The following TRAPPC9 variants were observed in gnomAD, a reference collection of about 807,000 sequenced individuals.
TRAPPC9 encodes trafficking protein particle complex subunit 9.
TRAPPC9 carries 83 observed loss-of-function variants against 124.0 expected under a neutral mutation model. The ratio of observed to expected loss-of-function variants is 0.67; its 90% CI spans 0.56 to 0.80. TRAPPC9 has a LOEUF of 0.80. Ranked by LOEUF, TRAPPC9 falls within the 30% of genes least tolerant of loss-of-function variation. The probability of loss-of-function intolerance (pLI) is 0.00; values close to 1 mark genes in which losing one functional copy is unlikely to be tolerated. For synonymous variants in TRAPPC9, 638 were observed against 617.5 expected (o/e 1.03, Z -0.49); for missense variants, 1,302 against 1,508.3 (o/e 0.86, Z 2.27).
intron 17 of TRAPPC9, among the ~76,000 whole-genome samples, chr8:140,073,855 C>A (rs568437834): frequency 1.3e-5 from 2 of 152,138 alleles, no homozygotes; most frequent in African/African-American, 4.8e-5. Context: ...ACTTTCTATA[C>A]GTTTAAAATT....
At chr8:139,993,232 T>C (rs1272688267) in intron 18 of TRAPPC9, among the ~76,000 whole-genome samples, 2 of 151,990 alleles carry the variant, frequency 1.3e-5, no homozygotes, top group Non-Finnish European at 2.9e-5. Flanking sequence ...AAGAAAAAAA[T>C]GACCCAATAG....
In TRAPPC9 at chr8:139,947,668, T is replaced by C. The variant is rs552496651; in HGVS notation, c.2811-37368A>G. Among the ~76,000 whole-genome samples, 5 of 151,656 alleles carry C rather than the reference T, an allele frequency of 3.3e-5. No individual in the cohort carries two copies. The South Asian group carries it at 1.0e-3, about 32-fold the overall frequency. Reference sequence around the variant, plus strand: ...TGAAGTCAGGAGTTTGTGATCAGCCTGGCCAACATGGGGAAACCCTGTCTC... The same window carrying C: ...TGAAGTCAGGAGTTTGTGATCAGCCCGGCCAACATGGGGAAACCCTGTCTC... On this transcript the variant is annotated intron_variant, in intron 19 of 22. Coordinates refer to ENST00000438773, the MANE Select transcript of TRAPPC9 (RefSeq NM_001160372.4).
intron 21 of TRAPPC9, among the ~76,000 whole-genome samples, chr8:139,755,486 G>T (rs1311501312): frequency 6.9e-6 from 1 of 144,000 alleles, no homozygotes; most frequent in Non-Finnish European, 1.5e-5. Flanking sequence ...GTCCCAGGAG[G>T]AGCCAGGGTT....
At position 140,275,726 on chromosome 8, in the gene TRAPPC9, T is replaced by G; in HGVS notation, c.2210A>C (p.Lys737Thr). 1 of 1,614,132 alleles carries G rather than the reference T, an allele frequency of 6.2e-7. No individual in the cohort carries two copies. Among genetic ancestry groups the G allele is most frequent in the Non-Finnish European group, 8.5e-7 (1 of 1,179,954 alleles). Residue 737 changes from lysine (K) to threonine (T), a missense_variant, in exon 15 of 23, where the codon AAA becomes ACA. Lys to Thr is a moderately conservative substitution (Grantham distance 78). Transcript: ENST00000438773. The part of the protein sequence containing the change: ...YNGESQQLII[K>T]LENIGMEPLE... ...TGGTTCCATTCCAATATTTTCCAAT[T>G]TAATGATTAGTTGCTGACTTTCTCC...
intron 13 of TRAPPC9, among the ~76,000 whole-genome samples, chr8:140,284,307 A>G (rs377504684): frequency 2.6e-5 from 4 of 152,316 alleles, no homozygotes; most frequent in African/African-American, 9.6e-5. Context: ...ATAAATATCT[A>G]CTTAATAATC....
chr8:139,910,102 G>A, intron 20 of TRAPPC9, 45 bp downstream of exon 20: 1 of 1,612,266 alleles, frequency 6.2e-7, no homozygotes, highest in Non-Finnish European at 8.5e-7. Flanking sequence ...TTGGAACCCT[G>A]GGCAAAGGTG....
intron 21 of TRAPPC9, among the ~76,000 whole-genome samples, chr8:139,830,881 T>C (rs568336610): frequency 2.0e-5 from 3 of 152,346 alleles, no homozygotes; most frequent in African/African-American, 7.2e-5. Context: ...CCAGGACACC[T>C]GCTCTCCAGG....
intron 3 of TRAPPC9, among the ~76,000 whole-genome samples, chr8:140,435,722 C>T (rs1440467752): frequency 6.6e-6 from 1 of 152,218 alleles, no homozygotes; most frequent in Non-Finnish European, 1.5e-5. Flanking sequence ...ACCCCATAGG[C>T]ATCTGCTCCT....
At chr8:140,249,930 T>C (rs1338660448) in intron 16 of TRAPPC9, among the ~76,000 whole-genome samples, 1 of 152,184 alleles carries the variant, frequency 6.6e-6, no homozygotes, top group Non-Finnish European at 1.5e-5. Context: ...CTTAAATGCT[T>C]CTGCATTTAT....
chr8:140,277,344 G>A (rs1375197368), intron 14 of TRAPPC9, among the ~76,000 whole-genome samples: 1 of 152,180 alleles, frequency 6.6e-6, no homozygotes, highest in East Asian at 1.9e-4. Flanking sequence ...TAACGATCAT[G>A]AGTCAAGAAA....
At chr8:140,123,237 C>A (rs572702432) in intron 17 of TRAPPC9, among the ~76,000 whole-genome samples, 2 of 152,280 alleles carry the variant, frequency 1.3e-5, no homozygotes, top group South Asian at 2.1e-4. Flanking sequence ...CGCCATGACA[C>A]CCCACTCTCA....
intron 21 of TRAPPC9, among the ~76,000 whole-genome samples, chr8:139,763,088 TCCCCCA>T (rs1252995842): frequency 6.6e-6 from 1 of 152,108 alleles, no homozygotes; most frequent in African/African-American, 2.4e-5. Flanking sequence ...CAGGAATAAT[TCCCCCA>T]GAGGGCCTTA....
At position 140,236,303 on chromosome 8, in the gene TRAPPC9, G is replaced by A. The variant is rs141444037; in HGVS notation, c.2432-14720C>T. On this transcript the variant is annotated intron_variant, in intron 16 of 22. Coordinates refer to ENST00000438773, the MANE Select transcript of TRAPPC9 (RefSeq NM_001160372.4). The stretch of plus-strand genomic sequence containing the variant: ...TCACCATGTTGGCCAGGCTGGTCTC[G>A]AACTTCTGGCTTCAAGTGATCCACC... 6.4e-3 allele frequency among the ~76,000 whole-genome samples: 967 copies of A among 152,184 alleles called. 12 individuals carry two copies. Among genetic ancestry groups the A allele is most frequent in the African/African-American group, 0.022 (931 of 41,510 alleles).
At chr8:139,801,162 G>A (rs888257426) in intron 21 of TRAPPC9, among the ~76,000 whole-genome samples, 6 of 152,202 alleles carry the variant, frequency 3.9e-5, no homozygotes, top group Non-Finnish European at 8.8e-5. Context: ...GATAGGATGG[G>A]TATCTCCACA....
chr8:140,259,425 G>A (rs2064347783), intron 15 of TRAPPC9, among the ~76,000 whole-genome samples: 1 of 152,154 alleles, frequency 6.6e-6, no homozygotes, highest in Admixed American at 6.5e-5. Flanking sequence ...ACCACCTTGG[G>A]AGGCAGGGTG....
At chr8:140,029,871 T>A (rs895338418) in intron 17 of TRAPPC9, among the ~76,000 whole-genome samples, 1 of 152,110 alleles carries the variant, frequency 6.6e-6, no homozygotes, top group East Asian at 1.9e-4. Flanking sequence ...ATATCCCTCA[T>A]GAATTTAAAT....
At chr8:140,172,072 T>C (rs1563816237) in intron 17 of TRAPPC9, among the ~76,000 whole-genome samples, 2 of 152,098 alleles carry the variant, frequency 1.3e-5, no homozygotes, top group African/African-American at 4.8e-5. Context: ...AGTGCAGTAA[T>C]TGCTCCCACT....
At chr8:139,792,521 C>T (rs574332170) in intron 21 of TRAPPC9, among the ~76,000 whole-genome samples, 20 of 152,312 alleles carry the variant, frequency 1.3e-4, no homozygotes, top group African/African-American at 4.3e-4. Flanking sequence ...TCCCACTGAA[C>T]GAAGCAGCAA....
intron 17 of TRAPPC9, among the ~76,000 whole-genome samples, chr8:140,196,067 GACC>G (rs71945767): frequency 0.8 from 84,096 of 104,958 alleles, 34,928 homozygotes; most frequent in African/African-American, 0.85. Flanking sequence ...TTCACATACA[GACC>G]ACACCTGTGA....
Sources: allele counts gnomAD v4.1 joint callset (sites outside exome capture counted in the v4.1 genomes callset), GRCh38; gene constraint gnomAD v4.1.1; transcripts MANE v1.5; gene names NCBI Gene and HGNC (gene_info 2026-07-23, HGNC 2026-07-21).